The following DPYD variants were observed in gnomAD, a reference collection of about 807,000 sequenced individuals.
The protein encoded by DPYD is dihydropyrimidine dehydrogenase [NADP(+)].
In DPYD, 109 loss-of-function variants were observed where a neutral mutation model predicts 116.2. The ratio of observed to expected loss-of-function variants is 0.94; its 90% CI spans 0.80 to 1.10. The LOEUF is 1.10. Among genes scored for constraint, DPYD ranks in the 50% least tolerant of loss-of-function variants. The pLI is 0.00. For synonymous variants in DPYD, 440 were observed against 432.0 expected (o/e 1.02, Z -0.23); for missense variants, 1,302 against 1,254.5 (o/e 1.04, Z -0.57).
chr1:97,484,075 T>C (rs1489377211), intron 13 of DPYD, among the ~76,000 whole-genome samples: 3 of 152,214 alleles, frequency 2.0e-5, no homozygotes, highest in South Asian at 2.1e-4. Flanking sequence ...GAGGACGAGG[T>C]GGGCAGATCA....
chr1:97,651,454 T>C (rs1272224445), intron 8 of DPYD, among the ~76,000 whole-genome samples: 1 of 152,184 alleles, frequency 6.6e-6, no homozygotes, highest in African/African-American at 2.4e-5. Flanking sequence ...ACCTTTGAAA[T>C]AATAAATCAC....
intron 19 of DPYD, among the ~76,000 whole-genome samples, chr1:97,218,310 G>C (rs1660548884): frequency 6.6e-6 from 1 of 152,034 alleles, no homozygotes; most frequent in Non-Finnish European, 1.5e-5. Flanking sequence ...CATTAAGAAT[G>C]AGGAAACTGA....
At chr1:97,425,244 C>A (rs1461478332) in intron 14 of DPYD, among the ~76,000 whole-genome samples, 1 of 152,014 alleles carries the variant, frequency 6.6e-6, no homozygotes, top group Non-Finnish European at 1.5e-5. Context: ...TAAAAAATAT[C>A]TGCCATAGGT....
chr1:97,413,846 T>C (rs142814517), intron 14 of DPYD, among the ~76,000 whole-genome samples: 11 of 152,194 alleles, frequency 7.2e-5, no homozygotes, highest in Non-Finnish European at 1.5e-4. Context: ...TTTTTCAACA[T>C]ATTTTCATGA....
At chr1:97,765,688 T>C (rs1000114410) in intron 3 of DPYD, among the ~76,000 whole-genome samples, 1 of 152,184 alleles carries the variant, frequency 6.6e-6, no homozygotes, top group Non-Finnish European at 1.5e-5. Context: ...CAGTAATACA[T>C]GCACGTTGTT....
intron 3 of DPYD, among the ~76,000 whole-genome samples, chr1:97,779,702 T>C (rs1050288645): frequency 1.3e-5 from 2 of 152,242 alleles, no homozygotes; most frequent in South Asian, 4.1e-4. Flanking sequence ...ATATAAGAAA[T>C]CATGGCGTGC....
intron 11 of DPYD, among the ~76,000 whole-genome samples, chr1:97,556,576 A>G (rs986837285): frequency 9.9e-5 from 14 of 141,964 alleles, no homozygotes; most frequent in Admixed American, 8.8e-4. Flanking sequence ...TCATTGTTCA[A>G]TTCCCACCTA....
At chr1:97,097,338 G>T (rs1650336977) in intron 21 of DPYD, among the ~76,000 whole-genome samples, 1 of 151,964 alleles carries the variant, frequency 6.6e-6, no homozygotes, top group Non-Finnish European at 1.5e-5. Context: ...TTCTTCATAG[G>T]TAGAAGGAAT....
At chr1:97,792,105 C>T (rs1466034836) in intron 3 of DPYD, among the ~76,000 whole-genome samples, 1 of 152,048 alleles carries the variant, frequency 6.6e-6, no homozygotes, top group Non-Finnish European at 1.5e-5. Flanking sequence ...AATGCAGTAC[C>T]GAGTGAAGAT....
chr1:97,763,020 T>C (rs1665660696), intron 3 of DPYD, among the ~76,000 whole-genome samples: 1 of 152,060 alleles, frequency 6.6e-6, no homozygotes, highest in Admixed American at 6.6e-5. Context: ...AGCAAAGTGT[T>C]TGTAAAGTAG....
intron 18 of DPYD, chr1:97,295,679 C>T (rs1403118182): frequency 1.0e-4 from 80 of 789,692 alleles, no homozygotes; most frequent in Non-Finnish European, 1.2e-4. Context: ...AATCTGCCCG[C>T]CGCAGCTTCC....
chr1:97,773,950 G>A (rs552193638), intron 3 of DPYD, among the ~76,000 whole-genome samples: 2 of 152,174 alleles, frequency 1.3e-5, no homozygotes, highest in African/African-American at 2.4e-5. Flanking sequence ...AAGGCAGAAG[G>A]TCTAATTGGG....
intron 12 of DPYD, among the ~76,000 whole-genome samples, chr1:97,542,764 C>T (rs1285207777): frequency 6.6e-6 from 1 of 152,076 alleles, no homozygotes; most frequent in Non-Finnish European, 1.5e-5. Flanking sequence ...ATTATATCCA[C>T]TACTTTTTAA....
At chr1:97,706,227 A>C (rs1661944914) in intron 5 of DPYD, among the ~76,000 whole-genome samples, 1 of 152,036 alleles carries the variant, frequency 6.6e-6, no homozygotes, top group African/African-American at 2.4e-5. Flanking sequence ...TTAATAAATT[A>C]ACTTTACAAA....
At chr1:97,226,357 T>A (rs1425130831) in intron 19 of DPYD, among the ~76,000 whole-genome samples, 1 of 152,118 alleles carries the variant, frequency 6.6e-6, no homozygotes, top group African/African-American at 2.4e-5. Context: ...TCCTCATTTT[T>A]ACTCCACATA....
chr1:97,422,514 C>A (rs916136078), intron 14 of DPYD, among the ~76,000 whole-genome samples: 5 of 151,998 alleles, frequency 3.3e-5, no homozygotes, highest in Non-Finnish European at 7.4e-5. Context: ...GTAGAGTAAC[C>A]TTTTTTAGAA....
intron 1 of DPYD, among the ~76,000 whole-genome samples, chr1:97,887,469 TAAAAAA>T (rs57316508): frequency 1.7e-4 from 8 of 47,136 alleles, no homozygotes; most frequent in African/African-American, 4.2e-4. Flanking sequence ...GACTCTGCAT[TAAAAAA>T]AAAAAAAAAA....
chr1:97,418,387 A>G (rs1395114263), intron 14 of DPYD, among the ~76,000 whole-genome samples: 1 of 150,020 alleles, frequency 6.7e-6, no homozygotes, highest in African/African-American at 2.5e-5. Flanking sequence ...TGCAACCTCT[A>G]CCTCTCAGGT....
At chr1:97,754,376 A>C (rs535508599) in intron 3 of DPYD, among the ~76,000 whole-genome samples, 2 of 152,122 alleles carry the variant, frequency 1.3e-5, no homozygotes, top group Admixed American at 6.5e-5. Context: ...GAAAATAAAA[A>C]AGCTAAGGGC....
Sources: allele counts gnomAD v4.1 joint callset (sites outside exome capture counted in the v4.1 genomes callset), GRCh38; gene constraint gnomAD v4.1.1; transcripts MANE v1.5; gene names NCBI Gene and HGNC (gene_info 2026-07-23, HGNC 2026-07-21).